The following TPRG1 variants were observed in gnomAD, a reference collection of about 807,000 sequenced individuals.
The protein encoded by TPRG1 is tumor protein p63-regulated gene 1 protein.
Under a neutral mutation model 29.3 loss-of-function variants are expected in TPRG1, and 29 were observed. The observed-to-expected ratio is 0.99, with a 90% CI of 0.74 to 1.35. The LOEUF is 1.35. Ranked by LOEUF, TPRG1 falls within the 40% of genes most tolerant of loss-of-function variation. The pLI is 0.00. For synonymous variants in TPRG1, 130 were observed against 116.8 expected (o/e 1.11, Z -0.73); for missense variants, 327 against 335.0 (o/e 0.98, Z 0.19).
Position 189,137,673 on chromosome 3 carries a change from C to T in TPRG1, c.-291+4976C>T, listed in dbSNP as rs373876971. Among the ~76,000 whole-genome samples, 11 of 152,064 alleles carry T rather than the reference C, an allele frequency of 7.2e-5. No individual in the cohort carries two copies. In the East Asian group the frequency reaches 9.7e-4, roughly 13 times the overall value. On this transcript the variant is annotated intron_variant, in intron 3 of 6. Transcript: ENST00000412373. Reference sequence around the variant, plus strand: ...GGGTGCCAAGTGGGAATGCAGTGAGCGGGAGAGAGAGGCAGGAGGCCTATT... The same window carrying T: ...GGGTGCCAAGTGGGAATGCAGTGAGTGGGAGAGAGAGGCAGGAGGCCTATT...
At chr3:189,022,652 A>C (rs1218498995) in intron 3 of TPRG1, among the ~76,000 whole-genome samples, 1 of 152,172 alleles carries the variant, frequency 6.6e-6, no homozygotes, top group Non-Finnish European at 1.5e-5. Flanking sequence ...AGACAGGGAC[A>C]TTTAAGTCTG....
intron 3 of TPRG1, among the ~76,000 whole-genome samples, chr3:189,134,578 T>A (rs1305601190): frequency 6.6e-6 from 1 of 151,548 alleles, no homozygotes; most frequent in East Asian, 1.9e-4. Flanking sequence ...CCACCACACC[T>A]GACTAATTTA....
intron 4 of TPRG1, among the ~76,000 whole-genome samples, chr3:189,261,228 TG>T (rs1382851603): frequency 6.6e-6 from 1 of 152,136 alleles, no homozygotes; most frequent in African/African-American, 2.4e-5. Context: ...ATTACTTTTT[TG>T]TTGACCTGAC....
intron 3 of TPRG1, among the ~76,000 whole-genome samples, chr3:189,142,302 G>A (rs1724679042): frequency 6.6e-6 from 1 of 152,106 alleles, no homozygotes; most frequent in South Asian, 2.1e-4. Context: ...ACTACACCAA[G>A]GGATTGATTA....
chr3:189,227,367 A>T (rs930360089), intron 3 of TPRG1, among the ~76,000 whole-genome samples: 4 of 152,178 alleles, frequency 2.6e-5, no homozygotes, highest in Admixed American at 2.6e-4. Flanking sequence ...TGGAGGGGGA[A>T]GCAGGACTGC....
chr3:189,002,921 T>C (rs1289551090), intron 2 of TPRG1, among the ~76,000 whole-genome samples: 1 of 152,130 alleles, frequency 6.6e-6, no homozygotes, highest in Non-Finnish European at 1.5e-5. Flanking sequence ...TCCAAGAGGT[T>C]TGAATGATTT....
chr3:189,076,804 A>G (rs902105385), intron 4 of TPRG1, among the ~76,000 whole-genome samples: 2 of 152,152 alleles, frequency 1.3e-5, no homozygotes, highest in Non-Finnish European at 2.9e-5. Flanking sequence ...TGACAGATGA[A>G]TACCCAAACT....
chr3:189,023,134 C>T lies in TPRG1; in HGVS notation c.-659-616C>T, dbSNP rs370170268. 8.5e-5 allele frequency among the ~76,000 whole-genome samples: 13 copies of T among 152,334 alleles called. No individual in the cohort carries two copies. The East Asian group carries it at 2.3e-3, about 27-fold the overall frequency. ...TGACCTGCGCCCACTGTCTGGCACT[C>T]CCTAGTGAGATGAACCCGGTACCTC... On this transcript the variant is annotated intron_variant, in intron 3 of 10. Coordinates refer to the TPRG1 transcript ENST00000433971.
At chr3:189,070,725 T>C (rs1408036520) in intron 4 of TPRG1, among the ~76,000 whole-genome samples, 1 of 152,164 alleles carries the variant, frequency 6.6e-6, no homozygotes, top group African/African-American at 2.4e-5. Context: ...TAGCTGAGCA[T>C]CTAGGTATTC....
Position 189,320,995 on chromosome 3 carries a change from C to T in TPRG1, c.*175C>T. The T allele has an allele frequency of 2.0e-6, 1 of 498,498 alleles. No individual in the cohort carries two copies. Among genetic ancestry groups the T allele is most frequent in the South Asian group, 4.5e-5 (1 of 22,112 alleles). The allele number at this position is 498,498 out of a possible 1,614,324, so 30.9% of individuals were successfully genotyped here. On this transcript the variant is annotated 3_prime_UTR_variant, in exon 6 of 6. Coordinates refer to ENST00000345063, the MANE Select transcript of TPRG1 (RefSeq NM_198485.4). ...GCTTGATTGGACTGATAGATACACA[C>T]TTTAGACCTCATACAAGAATAATCA...
chr3:189,155,554 T>G (rs1726551959), intron 5 of TPRG1, among the ~76,000 whole-genome samples: 2 of 151,978 alleles, frequency 1.3e-5, no homozygotes, highest in Non-Finnish European at 2.9e-5. Flanking sequence ...TGATTATTCA[T>G]AGAAGTCAGG....
At chr3:189,186,993 T>TGG (rs34252395) in intron 1 of TPRG1, among the ~76,000 whole-genome samples, 3 of 111,910 alleles carry the variant, frequency 2.7e-5, no homozygotes, top group African/African-American at 1.2e-4. Context: ...GTGTTTTTTT[T>TGG]TTTTTTTTTT....
At chr3:189,285,156 A>G (rs897011566) in intron 4 of TPRG1, among the ~76,000 whole-genome samples, 15 of 152,236 alleles carry the variant, frequency 9.9e-5, no homozygotes, top group African/African-American at 3.4e-4. Flanking sequence ...TTCTCAAAAG[A>G]AGACATTTAT....
At chr3:189,073,116 C>T (rs1479053482) in intron 4 of TPRG1, among the ~76,000 whole-genome samples, 1 of 152,160 alleles carries the variant, frequency 6.6e-6, no homozygotes, top group Non-Finnish European at 1.5e-5. Context: ...GATCTGGGTA[C>T]TAGATGTGTT....
At chr3:189,220,614 T>C (rs146566348) in intron 3 of TPRG1, among the ~76,000 whole-genome samples, 45 of 152,266 alleles carry the variant, frequency 3.0e-4, no homozygotes, top group African/African-American at 1.1e-3. Flanking sequence ...TAGGCCCCAG[T>C]GTGTGTTGTT....
chr3:189,035,695 A>T (rs1227818667), intron 4 of TPRG1, among the ~76,000 whole-genome samples: 2 of 152,162 alleles, frequency 1.3e-5, no homozygotes, highest in African/African-American at 4.8e-5. Context: ...ACTATTCATT[A>T]GAGTGAATCA....
intron 5 of TPRG1, among the ~76,000 whole-genome samples, chr3:189,152,615 A>G (rs1474178542): frequency 2.0e-5 from 3 of 151,036 alleles, no homozygotes; most frequent in Non-Finnish European, 4.4e-5. Context: ...GCTACCCGCC[A>G]TTACTATTAA....
At chr3:189,298,512 A>G (rs1720312945) in intron 4 of TPRG1, among the ~76,000 whole-genome samples, 1 of 152,318 alleles carries the variant, frequency 6.6e-6, no homozygotes, top group East Asian at 1.9e-4. Flanking sequence ...TTGAACTCAG[A>G]TCTGCATCCT....
rs116623408 is a variant in TPRG1, at chr3:189,143,928, C to T, written c.-290-3656C>T. Among the ~76,000 whole-genome samples, 727 of 152,194 alleles carry T rather than the reference C, an allele frequency of 4.8e-3. 4 individuals are homozygous for T. Among genetic ancestry groups the T allele is most frequent in the Non-Finnish European group, 6.4e-3 (438 of 68,018 alleles). On this transcript the variant is annotated intron_variant, in intron 3 of 6. Transcript: ENST00000412373. ...ATAGCGTGACTTATTCAATCATTTC[C>T]GGTGAAACTCCCCCAGACACTTTGC...
Sources: gnomAD v4.1 joint callset for allele counts (sites outside exome capture counted in the v4.1 genomes callset) on GRCh38, gnomAD v4.1.1 for gene constraint, MANE v1.5 for transcripts, NCBI Gene and HGNC (gene_info 2026-07-23, HGNC 2026-07-21) for gene names.